Variants in CYP7B1 observed in about 807,000 individuals in gnomAD.
The protein encoded by CYP7B1 is cytochrome P450 7B1.
Under a neutral mutation model 42.7 loss-of-function variants are expected in CYP7B1, and 29 were observed. The ratio of observed to expected loss-of-function variants is 0.68; its 90% confidence interval spans 0.51 to 0.93. The LOEUF (loss-of-function observed/expected upper bound fraction) is 0.93, where lower values mean the gene tolerates loss of function less well. Among genes scored for constraint, CYP7B1 ranks in the 40% least tolerant of loss-of-function variants. CYP7B1 has a pLI of 0.00. For missense variants in CYP7B1, 655 were observed against 600.5 expected (o/e 1.09, Z -0.95); for synonymous variants, 235 against 218.2 (o/e 1.08, Z -0.68).
chr8:64,718,734 C>A (rs1481082523), intron 1 of CYP7B1, among the ~76,000 whole-genome samples: 2 of 152,156 alleles, frequency 1.3e-5, no homozygotes, highest in African/African-American at 2.4e-5. Flanking sequence ...GACTAGGTCC[C>A]CGTAGAATGG....
chr8:64,659,933 C>A (rs574568418), intron 1 of CYP7B1, among the ~76,000 whole-genome samples: 1 of 152,108 alleles, frequency 6.6e-6, no homozygotes, highest in Admixed American at 6.5e-5. Context: ...TGGGATATAC[C>A]AAGGGAGAGT....
intron 1 of CYP7B1, among the ~76,000 whole-genome samples, chr8:64,796,288 T>C (rs1225710161): frequency 1.3e-5 from 2 of 152,196 alleles, no homozygotes; most frequent in Non-Finnish European, 2.9e-5. Flanking sequence ...TCCCATTACA[T>C]AAGAGTCTTT....
chr8:64,668,775 C>G (rs1806321583), intron 1 of CYP7B1, among the ~76,000 whole-genome samples: 1 of 149,426 alleles, frequency 6.7e-6, no homozygotes, highest in Non-Finnish European at 1.5e-5. Flanking sequence ...TTATAAACTG[C>G]CAAACCTGTC....
intron 1 of CYP7B1, among the ~76,000 whole-genome samples, chr8:64,758,416 T>G (rs768683109): frequency 6.6e-6 from 1 of 152,216 alleles, no homozygotes; most frequent in Non-Finnish European, 1.5e-5. Flanking sequence ...AAGTCTCAAA[T>G]AGTTACTAGC....
intron 1 of CYP7B1, among the ~76,000 whole-genome samples, chr8:64,793,897 TGGA>T (rs1172819571): frequency 6.6e-6 from 1 of 151,864 alleles, no homozygotes; most frequent in Non-Finnish European, 1.5e-5. Context: ...ACATAGAATT[TGGA>T]TTCCAGAAAT....
At chr8:64,671,629 C>A (rs1169509109) in intron 1 of CYP7B1, among the ~76,000 whole-genome samples, 1 of 152,124 alleles carries the variant, frequency 6.6e-6, no homozygotes, top group African/African-American at 2.4e-5. Context: ...GAGTGCCTAG[C>A]TGCCAGCCTG....
intron 1 of CYP7B1, among the ~76,000 whole-genome samples, chr8:64,629,431 A>C (rs927411483): frequency 5.9e-5 from 9 of 152,192 alleles, no homozygotes; most frequent in Admixed American, 5.2e-4. Flanking sequence ...AAAGTGCTTA[A>C]AGATGTAATA....
chr8:64,736,578 G>A lies in CYP7B1; in HGVS notation c.122+61888C>T, dbSNP rs576541609. Among the ~76,000 whole-genome samples, 4 of 152,208 alleles carry A rather than the reference G, an allele frequency of 2.6e-5. No individual in the cohort carries two copies. In the South Asian group the frequency reaches 8.3e-4, roughly 32 times the overall value. Reference sequence around the variant, plus strand: ...CAATTCTCCTGCCTTAGCCTCCCAAGTAGCTGGGACTACAGGTGCCTGCCA... The same window carrying A: ...CAATTCTCCTGCCTTAGCCTCCCAAATAGCTGGGACTACAGGTGCCTGCCA... On this transcript the variant is annotated intron_variant, in intron 1 of 5. Transcript: ENST00000310193.
intron 1 of CYP7B1, among the ~76,000 whole-genome samples, chr8:64,686,030 C>T (rs1806631286): frequency 2.8e-5 from 3 of 105,794 alleles, no homozygotes; most frequent in African/African-American, 7.6e-5. Context: ...CCCGGCCAGC[C>T]ACCCCGTCCG....
intron 1 of CYP7B1, among the ~76,000 whole-genome samples, chr8:64,638,248 G>A (rs1805803149): frequency 6.6e-6 from 1 of 151,802 alleles, no homozygotes; most frequent in African/African-American, 2.4e-5. Flanking sequence ...CAGATCCTTA[G>A]CATCCATTCA....
At chr8:64,615,603 T>A in intron 3 of CYP7B1, 88 bp downstream of exon 3, 1 of 1,299,766 alleles carries the variant, frequency 7.7e-7, no homozygotes, top group Non-Finnish European at 1.1e-6. Context: ...GCATAAAAAA[T>A]TTTCAAGGTC....
chr8:64,675,229 G>C (rs890422515), intron 1 of CYP7B1, among the ~76,000 whole-genome samples: 1 of 151,944 alleles, frequency 6.6e-6, no homozygotes, highest in Non-Finnish European at 1.5e-5. Flanking sequence ...TCCTAACCTA[G>C]TCCTTCTACT....
intron 4 of CYP7B1, among the ~76,000 whole-genome samples, chr8:64,613,602 CA>C (rs1429962888): frequency 2.6e-5 from 4 of 152,032 alleles, no homozygotes; most frequent in Non-Finnish European, 5.9e-5. Flanking sequence ...CCAAGTGGAG[CA>C]ACTACCCAAA....
intron 1 of CYP7B1, among the ~76,000 whole-genome samples, chr8:64,681,232 A>C (rs1806532040): frequency 6.6e-6 from 1 of 152,180 alleles, no homozygotes; most frequent in Admixed American, 6.5e-5. Flanking sequence ...TCAGAATGTC[A>C]ACACTACTTC....
intron 1 of CYP7B1, among the ~76,000 whole-genome samples, chr8:64,717,631 T>C (rs1202824800): frequency 1.3e-5 from 2 of 152,012 alleles, no homozygotes; most frequent in African/African-American, 2.4e-5. Context: ...CGCAGGAGGA[T>C]TGCTTGAGCC....
rs937133642 is a variant in CYP7B1 at position 64,643,309 on chromosome 8, C to T, written c.123-18770G>A. Among the ~76,000 whole-genome samples the T allele has an allele frequency of 5.3e-5, 8 of 151,544 alleles. No homozygotes were observed. In the South Asian group the frequency reaches 6.3e-4, roughly 12 times the overall value. ...AAGCAAATGTCGCAATAAAGTGAGT[C>T]GCATGAATTATTCGTTTTTTACAGT... On this transcript the variant is annotated intron_variant, in intron 1 of 5. Coordinates refer to ENST00000310193, the MANE Select transcript of CYP7B1 (RefSeq NM_004820.5).
At chr8:64,739,572 G>C (rs1372566762) in intron 1 of CYP7B1, among the ~76,000 whole-genome samples, 3 of 152,132 alleles carry the variant, frequency 2.0e-5, no homozygotes, top group Non-Finnish European at 2.9e-5. Context: ...AAAGAATTGT[G>C]GGACAATTTC....
chr8:64,675,557 T>G (rs796883130), intron 1 of CYP7B1, among the ~76,000 whole-genome samples: 44 of 151,778 alleles, frequency 2.9e-4, no homozygotes, highest in African/African-American at 1.1e-3. Context: ...AATTTCTTCT[T>G]TATTAATTTT....
intron 5 of CYP7B1, among the ~76,000 whole-genome samples, chr8:64,602,299 G>A (rs1018595199): frequency 2.6e-5 from 4 of 152,214 alleles, no homozygotes; most frequent in African/African-American, 9.7e-5. Flanking sequence ...TCAACAAAGA[G>A]GTGATTAGGT....
Sources: allele counts gnomAD v4.1 joint callset (sites outside exome capture counted in the v4.1 genomes callset), GRCh38; gene constraint gnomAD v4.1.1; transcripts MANE v1.5; gene names NCBI Gene and HGNC (gene_info 2026-07-23, HGNC 2026-07-21).